The following SUCLG2 variants were observed in gnomAD, a reference collection of about 807,000 sequenced individuals.
SUCLG2 encodes succinate--CoA ligase [GDP-forming] subunit beta, mitochondrial.
A neutral mutation model predicts 47.9 loss-of-function variants in SUCLG2; 42 were observed. The observed-to-expected ratio is 0.88, with a 90% CI of 0.69 to 1.14. The LOEUF (loss-of-function observed/expected upper bound fraction) is 1.14. Among genes scored for constraint, SUCLG2 ranks in the 50% most tolerant of loss-of-function variants. The pLI is 0.00. For synonymous variants in SUCLG2, 195 were observed against 197.3 expected (o/e 0.99, Z 0.10); for missense variants, 571 against 525.9 (o/e 1.09, Z -0.84).
intron 9 of SUCLG2, among the ~76,000 whole-genome samples, chr3:67,412,918 C>T (rs1264107858): frequency 6.6e-6 from 1 of 152,172 alleles, no homozygotes; most frequent in Non-Finnish European, 1.5e-5. Flanking sequence ...AAAATCCATT[C>T]AACCTTCTAG....
intron 9 of SUCLG2, among the ~76,000 whole-genome samples, chr3:67,475,307 T>C (rs56027639): frequency 0.06 from 9,152 of 152,198 alleles, 426 homozygotes; most frequent in East Asian, 0.22. Context: ...TTTTCATTTG[T>C]AAGAAAACTG....
downstream of SUCLG2, chr3:67,374,696 A>G: frequency 1.2e-6 from 1 of 850,526 alleles, no homozygotes; most frequent in Non-Finnish European, 1.4e-6. Flanking sequence ...AAAATTGAGT[A>G]AAATGAGAGA....
intron 2 of SUCLG2, 83 bp from the exon 3 acceptor site, chr3:67,529,269 C>G: frequency 3.0e-6 from 3 of 1,006,552 alleles, no homozygotes; most frequent in Non-Finnish European, 4.4e-6. Flanking sequence ...AATAATGGCA[C>G]ATAACTTCCA....
intron 7 of SUCLG2, among the ~76,000 whole-genome samples, chr3:67,502,127 T>C (rs1705509474): frequency 6.6e-6 from 1 of 152,114 alleles, no homozygotes; most frequent in Non-Finnish European, 1.5e-5. Context: ...ACCTATGGGA[T>C]CTGACTCTAA....
intron 2 of SUCLG2, among the ~76,000 whole-genome samples, 175 bp from the exon 3 acceptor site, chr3:67,529,361 T>C (rs1467569967): frequency 6.6e-6 from 1 of 152,202 alleles, no homozygotes; most frequent in African/African-American, 2.4e-5. Context: ...TGAGCCTAAA[T>C]ACAAAGCTTG....
At chr3:67,428,676 C>G (rs575683632) in intron 9 of SUCLG2, among the ~76,000 whole-genome samples, 3 of 152,088 alleles carry the variant, frequency 2.0e-5, no homozygotes, top group Admixed American at 1.3e-4. Context: ...ACGTTCGAAC[C>G]CATCGCAAAG....
chr3:67,430,667 G>GT (rs1317380538), intron 9 of SUCLG2, among the ~76,000 whole-genome samples: 3 of 152,028 alleles, frequency 2.0e-5, no homozygotes, highest in Non-Finnish European at 4.4e-5. Flanking sequence ...CCAGGAGTTG[G>GT]TTTTTTGAAA....
chr3:67,460,270 C>T (rs1228073704), intron 9 of SUCLG2, among the ~76,000 whole-genome samples: 3 of 152,082 alleles, frequency 2.0e-5, no homozygotes, highest in African/African-American at 4.8e-5. Context: ...TGAAAAACTT[C>T]TATGTAAAAG....
At chr3:67,646,594 G>GA (rs1701195710) in intron 1 of SUCLG2, among the ~76,000 whole-genome samples, 1 of 150,578 alleles carries the variant, frequency 6.6e-6, no homozygotes, top group African/African-American at 2.4e-5. Flanking sequence ...GACTCTGTCT[G>GA]AAAAAATATA....
At chr3:67,599,651 C>T (rs1036939425) in intron 2 of SUCLG2, among the ~76,000 whole-genome samples, 1 of 151,712 alleles carries the variant, frequency 6.6e-6, no homozygotes, top group African/African-American at 2.4e-5. Flanking sequence ...CTGTTATCCA[C>T]GTCCCATCTG....
At chr3:67,409,155 T>C (rs757058973) in intron 9 of SUCLG2, 1 of 1,165,086 alleles carries the variant, frequency 8.6e-7, no homozygotes, top group Non-Finnish European at 1.2e-6. Flanking sequence ...GAGCTCATGG[T>C]TTTGGCATTT....
chr3:67,593,371 T>C (rs1708218170), intron 2 of SUCLG2, among the ~76,000 whole-genome samples: 1 of 151,738 alleles, frequency 6.6e-6, no homozygotes, highest in Non-Finnish European at 1.5e-5. Flanking sequence ...TATAGAATAT[T>C]TGCATATTCA....
chr3:67,559,998 C>T (rs1707266639), intron 2 of SUCLG2, among the ~76,000 whole-genome samples: 1 of 151,980 alleles, frequency 6.6e-6, no homozygotes, highest in Non-Finnish European at 1.5e-5. Flanking sequence ...GAACTCTGTA[C>T]CTTCCTCTCA....
chr3:67,486,967 A>T (rs927233641), intron 9 of SUCLG2, among the ~76,000 whole-genome samples: 1 of 152,168 alleles, frequency 6.6e-6, no homozygotes, highest in African/African-American at 2.4e-5. Context: ...AATTAATTTT[A>T]GCACACAGGC....
chr3:67,562,936 G>A (rs559820438), intron 2 of SUCLG2, among the ~76,000 whole-genome samples: 30 of 151,618 alleles, frequency 2.0e-4, no homozygotes, highest in East Asian at 1.9e-3. Context: ...TTTTAATACC[G>A]TAATTTCTAA....
chr3:67,652,968 T>C (rs1701313982), intron 1 of SUCLG2, among the ~76,000 whole-genome samples: 1 of 152,218 alleles, frequency 6.6e-6, no homozygotes, highest in South Asian at 2.1e-4. Flanking sequence ...TAAATCACAG[T>C]AACCAGATGG....
At chr3:67,439,350 C>T (rs1703701804) in intron 9 of SUCLG2, among the ~76,000 whole-genome samples, 1 of 152,166 alleles carries the variant, frequency 6.6e-6, no homozygotes, top group Non-Finnish European at 1.5e-5. Context: ...CCCTCTCTCA[C>T]CACTCCTATT....
chr3:67,515,414 TTTGG>T (rs1705918171), intron 6 of SUCLG2, among the ~76,000 whole-genome samples: 1 of 152,200 alleles, frequency 6.6e-6, no homozygotes, highest in Non-Finnish European at 1.5e-5. Context: ...AGAAAGAGAC[TTTGG>T]TTGGGAACAA....
At chr3:67,573,222 TG>T (rs1402020355) in intron 2 of SUCLG2, among the ~76,000 whole-genome samples, 1 of 152,194 alleles carries the variant, frequency 6.6e-6, no homozygotes, top group Non-Finnish European at 1.5e-5. Flanking sequence ...ATTGTGAAGA[TG>T]GCCATACTCC....
Sources: allele counts gnomAD v4.1 joint callset (sites outside exome capture counted in the v4.1 genomes callset), GRCh38; gene constraint gnomAD v4.1.1; transcripts MANE v1.5; gene names NCBI Gene and HGNC (gene_info 2026-07-23, HGNC 2026-07-21).